Variants in ABCA13 observed in about 807,000 individuals in gnomAD.
ABCA13 encodes ATP binding cassette subfamily A member 13, also known as ATP-binding cassette sub-family A member 13.
A neutral mutation model predicts 478.7 loss-of-function variants in ABCA13; 476 were observed. The ratio of observed to expected loss-of-function variants is 0.99; its 90% CI spans 0.92 to 1.07. ABCA13 has a LOEUF of 1.07. ABCA13 is among the 50% of genes least tolerant of loss of function. The pLI, the probability that ABCA13 is intolerant of heterozygous loss-of-function variation, is 0.00. For synonymous variants in ABCA13, 2,252 were observed against 2,158.9 expected, an observed-to-expected ratio of 1.04 and a Z score of -1.20; for missense variants, 6,060 against 5,910.6, an observed-to-expected ratio of 1.03 and a Z score of -0.83.
intron 5 of ABCA13, among the ~76,000 whole-genome samples, chr7:48,224,964 T>A (rs1407930624): frequency 2.6e-5 from 4 of 152,050 alleles, no homozygotes; most frequent in Non-Finnish European, 5.9e-5. Flanking sequence ...GAGATATGGA[T>A]TTATTTTCCT....
At chr7:48,490,044 C>G (rs1829704311) in intron 48 of ABCA13, among the ~76,000 whole-genome samples, 1 of 152,186 alleles carries the variant, frequency 6.6e-6, no homozygotes, top group Non-Finnish European at 1.5e-5. Flanking sequence ...GACATCAACA[C>G]TAAACAATTT....
intron 55 of ABCA13, among the ~76,000 whole-genome samples, chr7:48,564,099 A>G (rs551662369): frequency 6.6e-6 from 1 of 152,070 alleles, no homozygotes; most frequent in Admixed American, 6.6e-5. Flanking sequence ...GGAAAGCATC[A>G]TGGCATGAGA....
intron 56 of ABCA13, among the ~76,000 whole-genome samples, chr7:48,586,486 C>T (rs1432244080): frequency 1.3e-5 from 2 of 152,114 alleles, no homozygotes; most frequent in Non-Finnish European, 2.9e-5. Context: ...GAACACAAAA[C>T]CAAATACCGT....
At position 48,229,824 on chromosome 7, in the gene ABCA13, G is replaced by A. The variant is rs1584323647; in HGVS notation, c.633-1G>A. 1 of 1,613,802 alleles carries A rather than the reference G, an allele frequency of 6.2e-7. No homozygotes were observed. The highest frequency in any genetic ancestry group is 8.5e-7 in the Non-Finnish European group (1 of 1,179,808). On this transcript the variant is annotated splice_acceptor_variant, in intron 6 of 61. Coordinates refer to ENST00000435803, the MANE Select transcript of ABCA13 (RefSeq NM_152701.5). LOFTEE classifies it high-confidence loss of function. ...TGCTTTTTGTTTTGTTTTGGTTCTA[G>A]TTCCTTAATATCCCTAGAAGATTTA...
chr7:48,608,269 A>G (rs1379630957), intron 58 of ABCA13, among the ~76,000 whole-genome samples: 2 of 152,232 alleles, frequency 1.3e-5, no homozygotes, highest in Non-Finnish European at 2.9e-5. Flanking sequence ...GTTGTGCTCA[A>G]CCACCTGAGG....
intron 1 of ABCA13, among the ~76,000 whole-genome samples, chr7:48,185,108 A>G (rs184493814): frequency 2.6e-5 from 4 of 152,270 alleles, no homozygotes; most frequent in African/African-American, 9.6e-5. Flanking sequence ...ACAAAGACCT[A>G]ATCTATCCCT....
At position 48,645,705 on chromosome 7, in the gene ABCA13, G is replaced by T. The variant is rs1202232511; in HGVS notation, c.*193G>T. 4 of 544,820 alleles carry T rather than the reference G, an allele frequency of 7.3e-6. No homozygotes were observed. The highest frequency in any genetic ancestry group is 1.3e-5 in the Non-Finnish European group (4 of 313,162). The allele number at this position is 544,820 out of a possible 1,614,324, so 33.7% of individuals were successfully genotyped here. On this transcript the variant is annotated 3_prime_UTR_variant, in exon 62 of 62. Coordinates refer to ENST00000435803, the MANE Select transcript of ABCA13 (RefSeq NM_152701.5). ...ACCAAATGGAAAGGTCATTCTTTCTGCAGACTTTTGGGGAGCTCCTCCAAA... is the reference window on the plus strand; with the variant it reads ...ACCAAATGGAAAGGTCATTCTTTCTTCAGACTTTTGGGGAGCTCCTCCAAA...
At chr7:48,470,173 C>T (rs182061438) in intron 44 of ABCA13, among the ~76,000 whole-genome samples, 226 of 152,334 alleles carry the variant, frequency 1.5e-3, no homozygotes, top group African/African-American at 5.1e-3. Context: ...CTCTGTCTCT[C>T]CCTTTTATGA....
At chr7:48,302,705 A>G (rs923250108) in intron 23 of ABCA13, among the ~76,000 whole-genome samples, 3 of 152,130 alleles carry the variant, frequency 2.0e-5, no homozygotes, top group Non-Finnish European at 4.4e-5. Context: ...ATAGTATTCC[A>G]TGGTGTATAT....
At chr7:48,447,746 A>G (rs902122058) in intron 42 of ABCA13, among the ~76,000 whole-genome samples, 1 of 152,180 alleles carries the variant, frequency 6.6e-6, no homozygotes, top group Non-Finnish European at 1.5e-5. Context: ...CATCCATTCA[A>G]TCACCCATCA....
At chr7:48,453,192 G>T (rs1825252838) in intron 42 of ABCA13, among the ~76,000 whole-genome samples, 1 of 151,608 alleles carries the variant, frequency 6.6e-6, no homozygotes, top group South Asian at 2.1e-4. Flanking sequence ...CTTCTGGGAA[G>T]TTATAAAAAC....
intron 59 of ABCA13, 62 bp downstream of exon 59, chr7:48,615,439 T>C (rs1259874502): frequency 1.4e-6 from 2 of 1,441,858 alleles, no homozygotes; most frequent in African/African-American, 2.8e-5. Context: ...TGATGCAGGG[T>C]TATGACTGGA....
chr7:48,454,099 A>T (rs1228556624), intron 42 of ABCA13, among the ~76,000 whole-genome samples: 1 of 152,168 alleles, frequency 6.6e-6, no homozygotes, highest in Non-Finnish European at 1.5e-5. Flanking sequence ...TCTGTTCTTT[A>T]TAAGACTGCC....
chr7:48,333,730 C>T (rs1805776489), intron 27 of ABCA13, among the ~76,000 whole-genome samples: 1 of 152,174 alleles, frequency 6.6e-6, no homozygotes, highest in Admixed American at 6.5e-5. Flanking sequence ...GAGATTTCTC[C>T]AGTCCAGCTG....
At chr7:48,635,805 A>G (rs933382109) in intron 59 of ABCA13, among the ~76,000 whole-genome samples, 72 of 152,270 alleles carry the variant, frequency 4.7e-4, no homozygotes, top group African/African-American at 1.6e-3. Flanking sequence ...GCCACAGACT[A>G]TTACTGTTCT....
At chr7:48,315,908 A>G (rs1483073090) in intron 26 of ABCA13, among the ~76,000 whole-genome samples, 1 of 152,206 alleles carries the variant, frequency 6.6e-6, no homozygotes, top group Admixed American at 6.5e-5. Flanking sequence ...CACAACAATC[A>G]TACCTTGAGT....
chr7:48,464,515 C>T (rs994977449), intron 43 of ABCA13, among the ~76,000 whole-genome samples: 1 of 152,142 alleles, frequency 6.6e-6, no homozygotes, highest in African/African-American at 2.4e-5. Context: ...ATTTGGATGC[C>T]ACAGAGGTGT....
At chr7:48,323,726 T>C (rs1803870425) in intron 27 of ABCA13, among the ~76,000 whole-genome samples, 1 of 152,208 alleles carries the variant, frequency 6.6e-6, no homozygotes, top group South Asian at 2.1e-4. Context: ...GTGTATTATT[T>C]TGAAGCCTGT....
At position 48,268,700 on chromosome 7, in the gene ABCA13, C is replaced by G. The variant is rs140175865; in HGVS notation, c.2006-280C>G. Reference sequence around the variant, plus strand: ...TCTCCTTCCTGTGCCATGGCCTGGACTCCCTTAAAGCAGCAAGCTGGGATA... The same window carrying G: ...TCTCCTTCCTGTGCCATGGCCTGGAGTCCCTTAAAGCAGCAAGCTGGGATA... On this transcript the variant is annotated intron_variant, in intron 15 of 61. Transcript: ENST00000435803. Among the ~76,000 whole-genome samples, 66 of 152,074 alleles carry G rather than the reference C, an allele frequency of 4.3e-4. 1 individual carries two copies. The highest frequency in any genetic ancestry group is 1.2e-3 in the African/African-American group (49 of 41,484).
Sources: gnomAD v4.1 joint callset for allele counts (sites outside exome capture counted in the v4.1 genomes callset) on GRCh38, gnomAD v4.1.1 for gene constraint, MANE v1.5 for transcripts, NCBI Gene and HGNC (gene_info 2026-07-23, HGNC 2026-07-21) for gene names.